Variants in MAGI3 observed in about 807,000 individuals in gnomAD.
MAGI3 encodes membrane-associated guanylate kinase, WW and PDZ domain-containing protein 3.
Under a neutral mutation model 121.8 loss-of-function variants are expected in MAGI3, and 43 were observed. That is an observed-to-expected ratio of 0.35 (90% CI 0.28 to 0.46). The LOEUF (loss-of-function observed/expected upper bound fraction) is 0.46, where lower values mean the gene tolerates loss of function less well. Ranked by LOEUF, MAGI3 falls within the 20% of genes least tolerant of loss-of-function variation. The probability of loss-of-function intolerance (pLI) is 1.00; values close to 1 mark genes in which losing one functional copy is unlikely to be tolerated. For synonymous variants in MAGI3, 553 were observed against 639.3 expected, an observed-to-expected ratio of 0.86 and a Z score of 2.04; for missense variants, 1,547 against 1,797.3, an observed-to-expected ratio of 0.86 and a Z score of 2.52.
chr1:113,643,868 A>G, intron 11 of MAGI3, 94 bp downstream of exon 11: 1 of 1,298,046 alleles, frequency 7.7e-7, no homozygotes. Context: ...GGTGATGATT[A>G]TCGACTGGGA....
intron 1 of MAGI3, among the ~76,000 whole-genome samples, chr1:113,415,248 A>G (rs892859042): frequency 3.0e-4 from 45 of 152,072 alleles, no homozygotes; most frequent in African/African-American, 1.1e-3. Context: ...GTTCATTCAC[A>G]TTTAAAGGAA....
chr1:113,414,840 A>T (rs909182732), intron 1 of MAGI3, among the ~76,000 whole-genome samples: 5 of 152,100 alleles, frequency 3.3e-5, no homozygotes, highest in African/African-American at 1.2e-4. Context: ...AATTTATTTC[A>T]ATCCAAGCTA....
At chr1:113,393,263 C>T (rs1650922570) in intron 1 of MAGI3, among the ~76,000 whole-genome samples, 1 of 152,170 alleles carries the variant, frequency 6.6e-6, no homozygotes, top group African/African-American at 2.4e-5. Flanking sequence ...GTTTTGCCCT[C>T]TTGACAGCCA....
chr1:113,515,835 C>T (rs1392119515), intron 1 of MAGI3, among the ~76,000 whole-genome samples: 7 of 151,994 alleles, frequency 4.6e-5, no homozygotes, highest in African/African-American at 1.2e-4. Flanking sequence ...CATGATGATC[C>T]GTGGTACTGA....
rs76438164 is a variant in MAGI3 at position 113,415,158 on chromosome 1, C to T, written c.316+23809C>T. 7.2e-3 allele frequency among the ~76,000 whole-genome samples: 1,102 copies of T among 152,144 alleles called. 38 individuals carry two copies. Among genetic ancestry groups the T allele is most frequent in the Admixed American group, 0.053 (803 of 15,246 alleles). ...GTTTTTAGTAGCTTTCTTCTAAGTG[C>T]TTTGCCAGTAGGACCTTTAGTAGCA... On this transcript the variant is annotated intron_variant, in intron 1 of 20. Coordinates refer to ENST00000307546, the MANE Select transcript of MAGI3 (RefSeq NM_001142782.2).
intron 12 of MAGI3, among the ~76,000 whole-genome samples, chr1:113,647,921 CTT>C (rs748486198): frequency 1.1e-5 from 1 of 89,482 alleles, no homozygotes; most frequent in Non-Finnish European, 2.2e-5. Flanking sequence ...ACTGATGACT[CTT>C]TTTTTTTTTT....
chr1:113,476,339 G>T (rs550545725), intron 1 of MAGI3, among the ~76,000 whole-genome samples: 136 of 152,234 alleles, frequency 8.9e-4, no homozygotes, highest in Non-Finnish European at 1.8e-3. Flanking sequence ...GATCTTTCCT[G>T]CTTTCTCTTG....
intron 1 of MAGI3, among the ~76,000 whole-genome samples, chr1:113,541,080 G>C (rs941694379): frequency 2.6e-5 from 4 of 152,080 alleles, no homozygotes; most frequent in Non-Finnish European, 5.9e-5. Flanking sequence ...AATAAAGGAA[G>C]GATGAAGTGG....
intron 6 of MAGI3, among the ~76,000 whole-genome samples, chr1:113,613,678 A>C (rs1318562508): frequency 1.3e-5 from 2 of 152,178 alleles, no homozygotes; most frequent in African/African-American, 4.8e-5. Context: ...ATCATAGTGC[A>C]CAACAGTGGA....
At chr1:113,543,799 C>T (rs1182396887) in intron 1 of MAGI3, among the ~76,000 whole-genome samples, 2 of 149,704 alleles carry the variant, frequency 1.3e-5, no homozygotes, top group Non-Finnish European at 1.5e-5. Context: ...GCCCCCGAGG[C>T]GGAGGTTGCA....
At chr1:113,425,612 G>A (rs1294731284) in intron 1 of MAGI3, among the ~76,000 whole-genome samples, 5 of 151,940 alleles carry the variant, frequency 3.3e-5, no homozygotes, top group Non-Finnish European at 7.4e-5. Flanking sequence ...AATGTTTATA[G>A]GACTATTCAG....
intron 6 of MAGI3, among the ~76,000 whole-genome samples, chr1:113,596,645 A>G (rs985916051): frequency 1.3e-5 from 2 of 152,192 alleles, no homozygotes; most frequent in Non-Finnish European, 2.9e-5. Context: ...CCAAATTTTA[A>G]AATGGGCAAA....
chr1:113,589,211 T>C (rs1195844619), intron 4 of MAGI3, among the ~76,000 whole-genome samples: 3 of 151,880 alleles, frequency 2.0e-5, no homozygotes, highest in Admixed American at 2.0e-4. Flanking sequence ...TCAAATGAGA[T>C]GAGGGATAAG....
At chr1:113,416,047 A>C (rs1463722294) in intron 1 of MAGI3, among the ~76,000 whole-genome samples, 32 of 149,422 alleles carry the variant, frequency 2.1e-4, no homozygotes, top group African/African-American at 7.6e-4. Flanking sequence ...TAATTATGTA[A>C]TTAATGACAC....
intron 1 of MAGI3, among the ~76,000 whole-genome samples, chr1:113,522,850 A>G (rs946014169): frequency 6.6e-6 from 1 of 152,234 alleles, no homozygotes; most frequent in Non-Finnish European, 1.5e-5. Flanking sequence ...GCACATATCT[A>G]CTAAGAGTAA....
intron 1 of MAGI3, among the ~76,000 whole-genome samples, chr1:113,421,551 G>C (rs1652734037): frequency 6.6e-6 from 1 of 152,154 alleles, no homozygotes; most frequent in Non-Finnish European, 1.5e-5. Flanking sequence ...CTGTGATTGT[G>C]TCTTTTTATG....
chr1:113,433,834 C>G (rs890808280), intron 1 of MAGI3, among the ~76,000 whole-genome samples: 1 of 152,010 alleles, frequency 6.6e-6, no homozygotes, highest in South Asian at 2.1e-4. Context: ...TATTATGCCC[C>G]GTTAAAAACC....
At position 113,683,306 on chromosome 1, in the gene MAGI3, C is replaced by T. The variant is rs536928858; in HGVS notation, c.3738C>T (p.Asn1246=). The T allele has an allele frequency of 1.6e-4, 265 of 1,612,682 alleles. 2 individuals carry two copies. In the South Asian group the frequency reaches 2.8e-3, roughly 17 times the overall value. The change falls in exon 21 of 21, where the codon AAC becomes AAT. Residue 1246 remains asparagine, a synonymous_variant. Coordinates refer to ENST00000307546, the MANE Select transcript of MAGI3 (RefSeq NM_001142782.2). ...LDKIPSPLKN[N]PKRRPRDQSL... The stretch of plus-strand genomic sequence containing the variant: ...AGATTCCTAGTCCTCTAAAAAATAA[C>T]CCCAAAAGAAGACCCAGAGATCAAT...
intron 1 of MAGI3, among the ~76,000 whole-genome samples, chr1:113,503,643 G>A (rs1657160139): frequency 6.6e-6 from 1 of 151,836 alleles, no homozygotes; most frequent in Non-Finnish European, 1.5e-5. Flanking sequence ...CCAATACTTG[G>A]CATCAAGTTG....
Sources: gnomAD v4.1 joint callset for allele counts (sites outside exome capture counted in the v4.1 genomes callset) on GRCh38, gnomAD v4.1.1 for gene constraint, MANE v1.5 for transcripts, NCBI Gene and HGNC (gene_info 2026-07-23, HGNC 2026-07-21) for gene names.